KANSL1: variants seen among roughly 807,000 people sequenced by gnomAD.
KANSL1 encodes the protein MLL1/MLL complex subunit KANSL1.
A neutral mutation model predicts 103.6 loss-of-function variants in KANSL1; 22 were observed. The ratio of observed to expected loss-of-function variants is 0.21; its 90% CI spans 0.15 to 0.30. The LOEUF (loss-of-function observed/expected upper bound fraction) is 0.30. Ranked by LOEUF, KANSL1 falls within the 10% of genes least tolerant of loss-of-function variation. The pLI is 1.00. For synonymous variants in KANSL1, 600 were observed against 527.6 expected, an observed-to-expected ratio of 1.14 and a Z score of -1.88; for missense variants, 1,337 against 1,399.8, an observed-to-expected ratio of 0.96 and a Z score of 0.72.
chr17:46,117,435 T>C (rs1395887384), intron 2 of KANSL1, among the ~76,000 whole-genome samples: 4 of 152,274 alleles, frequency 2.6e-5, no homozygotes, highest in Non-Finnish European at 4.4e-5. Flanking sequence ...TTCACTGATG[T>C]ATCCACACCA....
intron 6 of KANSL1, among the ~76,000 whole-genome samples, chr17:46,051,830 G>T (rs1475081070): frequency 6.6e-6 from 1 of 152,188 alleles, no homozygotes; most frequent in East Asian, 1.9e-4. Flanking sequence ...TTGTGTAAGA[G>T]AAAGATATAC....
intron 10 of KANSL1, 127 bp from the exon 11 acceptor site, chr17:46,034,412 AC>A: frequency 3.1e-6 from 3 of 976,102 alleles, no homozygotes; most frequent in Non-Finnish European, 3.1e-6. Context: ...CTGAGTAATG[AC>A]CATAGCAGCT....
At chr17:46,095,195 C>T (rs2042009175) in intron 2 of KANSL1, among the ~76,000 whole-genome samples, 1 of 152,074 alleles carries the variant, frequency 6.6e-6, no homozygotes, top group South Asian at 2.1e-4. Context: ...GAGAAAATAA[C>T]GCCTGAAAGC....
chr17:46,178,942 A>C (rs913931240), intron 1 of KANSL1, among the ~76,000 whole-genome samples: 3 of 152,236 alleles, frequency 2.0e-5, no homozygotes, highest in African/African-American at 7.2e-5. Context: ...TCCAAGGACA[A>C]ACTTCTACCT....
intron 1 of KANSL1, among the ~76,000 whole-genome samples, chr17:46,178,604 T>G (rs1199512519): frequency 6.6e-6 from 1 of 152,264 alleles, no homozygotes; most frequent in Non-Finnish European, 1.5e-5. Context: ...CAAGGTCATT[T>G]AGCTATAAAA....
chr17:46,145,073 G>T (rs2044626951), intron 2 of KANSL1, among the ~76,000 whole-genome samples: 1 of 152,110 alleles, frequency 6.6e-6, no homozygotes, highest in South Asian at 2.1e-4. Flanking sequence ...AATTCTTTTA[G>T]GATTGACAGA....
chr17:46,088,127 G>A (rs1242013001), intron 3 of KANSL1, among the ~76,000 whole-genome samples: 1 of 152,220 alleles, frequency 6.6e-6, no homozygotes, highest in Non-Finnish European at 1.5e-5. Flanking sequence ...CAAGAGTGAA[G>A]CAAGCTTCTG....
chr17:46,048,230 GCA>G (rs2077585543), intron 7 of KANSL1, among the ~76,000 whole-genome samples: 1 of 151,940 alleles, frequency 6.6e-6, no homozygotes. Context: ...ATAACAGAAA[GCA>G]AATACACAAA....
upstream of KANSL1, among the ~76,000 whole-genome samples, chr17:46,195,142 T>A (rs1442946545): frequency 2.0e-5 from 3 of 152,226 alleles, no homozygotes; most frequent in African/African-American, 7.2e-5. Flanking sequence ...AGTAGAAGGG[T>A]ATTGGACCAA....
At chr17:46,206,902 T>G (rs1394347245) in intron 1 of KANSL1, among the ~76,000 whole-genome samples, 1 of 151,866 alleles carries the variant, frequency 6.6e-6, no homozygotes, top group Non-Finnish European at 1.5e-5. Flanking sequence ...GAGAAAATAT[T>G]TGCAAATCAT....
intron 2 of KANSL1, among the ~76,000 whole-genome samples, chr17:46,101,754 CAAAAAAAAA>C (rs372439614): frequency 5.1e-4 from 48 of 93,654 alleles, no homozygotes; most frequent in East Asian, 3.7e-3. Context: ...ACTCTGTCTA[CAAAAAAAAA>C]AAAAAAAAAA....
At position 46,094,554 on chromosome 17, in the gene KANSL1, C is replaced by G; in HGVS notation, c.1431+6G>C. 6.2e-7 allele frequency: 1 copy of G among 1,610,288 alleles called. No individual in the cohort carries two copies. Among genetic ancestry groups the G allele is most frequent in the Non-Finnish European group, 8.5e-7 (1 of 1,179,214 alleles). ...CATTTAAAAACATCAGATACTTATC[C>G]CTTACCTTATTAGCACGTATCTGTT... On this transcript the variant is annotated splice_donor_region_variant and intron_variant, in intron 3 of 14. Transcript: ENST00000432791.
intron 2 of KANSL1, chr17:46,170,153 A>C (rs1185163702): frequency 6.6e-6 from 1 of 150,746 alleles, no homozygotes; most frequent in East Asian, 1.9e-4. Context: ...GTCTCAAAAC[A>C]AAACAAAACA....
chr17:46,108,765 C>T (rs1432415106), intron 2 of KANSL1, among the ~76,000 whole-genome samples: 1 of 152,176 alleles, frequency 6.6e-6, no homozygotes, highest in Non-Finnish European at 1.5e-5. Context: ...TGAAGCTAAC[C>T]CCTTTTCTCA....
chr17:46,159,413 T>C (rs542541000), intron 2 of KANSL1, among the ~76,000 whole-genome samples: 1 of 152,364 alleles, frequency 6.6e-6, no homozygotes, highest in South Asian at 2.1e-4. Context: ...AACCTCTAGT[T>C]CATCCTTCAA....
At chr17:46,185,576 C>T (rs1247393886) in intron 1 of KANSL1, among the ~76,000 whole-genome samples, 2 of 151,888 alleles carry the variant, frequency 1.3e-5, no homozygotes, top group Non-Finnish European at 2.9e-5. Context: ...ATACACAATG[C>T]TTTCACTGAA....
chr17:46,112,842 C>T (rs1003027324), intron 2 of KANSL1, among the ~76,000 whole-genome samples: 1 of 151,982 alleles, frequency 6.6e-6, no homozygotes, highest in African/African-American at 2.4e-5. Context: ...CTGCCTTAGC[C>T]TCTCGAGTAG....
chr17:46,196,465 C>T, upstream of KANSL1: 1 of 456,070 alleles, frequency 2.2e-6, no homozygotes, highest in South Asian at 1.5e-5. Context: ...GAGGAAAAAA[C>T]AGTCCCTCTT....
rs1196645981 is a variant in KANSL1 at position 46,089,122 on chromosome 17, C to T, written c.1431+5438G>A. Among the ~76,000 whole-genome samples the T allele has an allele frequency of 2.0e-5, 3 of 152,202 alleles. No homozygotes were observed. In the East Asian group the frequency reaches 5.8e-4, roughly 29 times the overall value. On this transcript the variant is annotated intron_variant, in intron 3 of 14. Transcript: ENST00000432791. ...CATGAGTAAACCTTTAATTAGTATA[C>T]ACTCAAGGTACGTATATTGTTTTCG... is the stretch of plus-strand genomic sequence containing the variant.
Sources: gnomAD v4.1 joint callset for allele counts (sites outside exome capture counted in the v4.1 genomes callset) on GRCh38, gnomAD v4.1.1 for gene constraint, MANE v1.5 for transcripts, NCBI Gene and HGNC (gene_info 2026-07-23, HGNC 2026-07-21) for gene names.